Variants in MGAM2 observed in about 807,000 individuals in gnomAD.
MGAM2 encodes probable maltase-glucoamylase 2.
MGAM2 carries 98 observed loss-of-function variants against 96.1 expected under a neutral mutation model. The observed-to-expected ratio is 1.02, with a 90% CI of 0.87 to 1.21. The LOEUF (loss-of-function observed/expected upper bound fraction) is 1.21, where lower values mean the gene tolerates loss of function less well. Ranked by LOEUF, MGAM2 falls within the 50% of genes most tolerant of loss-of-function variation. The pLI is 0.00. For synonymous variants in MGAM2, 749 were observed against 414.8 expected, an observed-to-expected ratio of 1.81 and a Z score of -9.79; for missense variants, 2,055 against 1,182.4, an observed-to-expected ratio of 1.74 and a Z score of -10.82.
chr7:142,198,273 G>A, intron 43 of MGAM2, 78 bp downstream of exon 43: 1 of 660,658 alleles, frequency 1.5e-6, no homozygotes, highest in Non-Finnish European at 2.7e-6. Flanking sequence ...CTATTTCCAA[G>A]CACATATTTC....
chr7:142,199,159 G>A lies in MGAM2; in HGVS notation c.5048+420G>A, dbSNP rs76542817. ...GCTTTGGTCAATCAAGGAAAGATAT[G>A]CTTGTGTGTTGTGTGTGTGTACATA... On this transcript the variant is annotated intron_variant, in intron 44 of 47. Transcript: ENST00000477922. Among the ~76,000 whole-genome samples the A allele has an allele frequency of 6.0e-3, 918 of 152,282 alleles. 21 individuals are homozygous for A. The highest frequency in any genetic ancestry group is 0.045 in the Admixed American group (688 of 15,288).
intron 46 of MGAM2, among the ~76,000 whole-genome samples, chr7:142,209,557 C>T (rs1001141557): frequency 3.3e-5 from 5 of 152,346 alleles, no homozygotes; most frequent in Admixed American, 2.0e-4. Flanking sequence ...TACCTAGTCA[C>T]TTTAACCAAG....
intron 37 of MGAM2, among the ~76,000 whole-genome samples, chr7:142,194,457 T>C (rs183306704): frequency 6.6e-6 from 1 of 152,342 alleles, no homozygotes; most frequent in African/African-American, 2.4e-5. Context: ...CTACTCTATC[T>C]TCCTGCCTTA....
intron 2 of MGAM2, 62 bp downstream of exon 2, chr7:142,117,041 A>G: frequency 2.9e-6 from 2 of 700,686 alleles, no homozygotes; most frequent in Non-Finnish European, 5.2e-6. Context: ...AACGCCAAAG[A>G]GATTATTTTA....
intron 7 of MGAM2, among the ~76,000 whole-genome samples, chr7:142,135,748 A>ACG (rs1175983334): frequency 6.6e-6 from 1 of 151,856 alleles, no homozygotes; most frequent in African/African-American, 2.4e-5. Flanking sequence ...ACACACACAC[A>ACG]CACACATTAT....
chr7:142,204,680 A>G (rs1797342784), intron 45 of MGAM2, among the ~76,000 whole-genome samples: 1 of 152,116 alleles, frequency 6.6e-6, no homozygotes, highest in Non-Finnish European at 1.5e-5. Context: ...TCTGAACAAA[A>G]TGTGTTATTA....
chr7:142,128,830 C>A (rs757429270), intron 3 of MGAM2, among the ~76,000 whole-genome samples: 10 of 152,326 alleles, frequency 6.6e-5, no homozygotes, highest in Admixed American at 2.0e-4. Flanking sequence ...TCTGCTAGGG[C>A]AGTGCGGAAG....
intron 4 of MGAM2, 107 bp downstream of exon 4, chr7:142,131,178 G>A (rs1379094612): frequency 1.4e-5 from 9 of 640,428 alleles, no homozygotes; most frequent in African/African-American, 5.4e-5. Context: ...GGTGGCTCAC[G>A]TCTGTAATCC....
intron 36 of MGAM2, among the ~76,000 whole-genome samples, chr7:142,188,875 T>A (rs1796783097): frequency 6.6e-6 from 1 of 152,236 alleles, no homozygotes; most frequent in Non-Finnish European, 1.5e-5. Context: ...GTCCATTCAA[T>A]GCATTTTCAA....
chr7:142,209,672 G>T (rs1797517481), intron 46 of MGAM2, among the ~76,000 whole-genome samples: 1 of 152,012 alleles, frequency 6.6e-6, no homozygotes, highest in South Asian at 2.1e-4. Flanking sequence ...ACATCACCAG[G>T]CTAACTTCAT....
intron 3 of MGAM2, among the ~76,000 whole-genome samples, chr7:142,125,976 C>G (rs147919334): frequency 6.6e-6 from 1 of 152,098 alleles, no homozygotes; most frequent in South Asian, 2.1e-4. Context: ...AGTGTATATC[C>G]TTCTCTTGAT....
rs1795823628 is a variant in MGAM2 at position 142,159,313 on chromosome 7, A to G, written c.2190A>G (p.Ile730Met). 4 of 702,550 alleles carry G rather than the reference A, an allele frequency of 5.7e-6. No individual in the cohort carries two copies. In the East Asian group the frequency reaches 1.1e-4, roughly 19 times the overall value. The allele number at this position is 702,550 out of a possible 1,614,324, so 43.5% of individuals were successfully genotyped here. Residue 730 changes from isoleucine to methionine, a missense_variant, in exon 20 of 48, where the codon ATA (isoleucine) becomes ATG (methionine). By Grantham distance (10) the Ile-to-Met change is conservative. Transcript: ENST00000477922. ...GTGTGGACGAAGTGAAAGCATACAT[A>G]CCTGATGCCACCTGGTATGACTATG... ...YEGVDEVKAY[I>M]PDATWYDYET...
intron 46 of MGAM2, among the ~76,000 whole-genome samples, chr7:142,211,260 T>C (rs1797575036): frequency 6.6e-6 from 1 of 151,956 alleles, no homozygotes; most frequent in Non-Finnish European, 1.5e-5. Context: ...GCCTAAAGAT[T>C]CCAAAAACCA....
chr7:142,166,665 C>G (rs1796036221), intron 25 of MGAM2, among the ~76,000 whole-genome samples: 1 of 152,158 alleles, frequency 6.6e-6, no homozygotes, highest in Non-Finnish European at 1.5e-5. Context: ...AATAAGAACA[C>G]TGGGAGTAGA....
In MGAM2 at chr7:142,208,341, C is replaced by G. The variant is rs539779361; in HGVS notation, c.5138-232C>G. ...CCTTTGTTCAACCCAGATTCTCTTG[C>G]ATTTGTAACCTTCTGACCTCCCCGG... On this transcript the variant is annotated intron_variant, in intron 45 of 47. Transcript: ENST00000477922. 1.1e-4 allele frequency: 71 copies of G among 635,266 alleles called. 1 individual carries two copies. Among genetic ancestry groups the G allele is most frequent in the South Asian group, 1.1e-3 (71 of 65,860 alleles). The allele number at this position is 635,266 out of a possible 1,614,324, so 39.4% of individuals were successfully genotyped here.
intron 32 of MGAM2, among the ~76,000 whole-genome samples, chr7:142,181,234 T>C (rs1796529833): frequency 6.6e-6 from 1 of 152,218 alleles, no homozygotes; most frequent in South Asian, 2.1e-4. Flanking sequence ...GTCTTTATTT[T>C]CCTTGAGGGT....
rs565511815 is a variant in MGAM2 at position 142,155,096 on chromosome 7, A to G, written c.1923+251A>G. ...AGTGAGAAGATTTGTTAAAGTTTCT[A>G]TGGTGCTGCCATGACTTCTGTTCTA... On this transcript the variant is annotated intron_variant, in intron 17 of 47. Transcript: ENST00000477922. Among the ~76,000 whole-genome samples, 51 of 152,338 alleles carry G rather than the reference A, an allele frequency of 3.3e-4. 2 individuals carry two copies. The South Asian group carries it at 8.7e-3, about 26-fold the overall frequency.
chr7:142,205,981 G>A (rs2129103406), intron 45 of MGAM2, among the ~76,000 whole-genome samples: 1 of 151,986 alleles, frequency 6.6e-6, no homozygotes, highest in East Asian at 1.9e-4. Flanking sequence ...GTGAGGCAGG[G>A]GTCTAACTTC....
At chr7:142,120,425 T>C (rs926263683) in intron 3 of MGAM2, 44 bp downstream of exon 3, 1 of 698,090 alleles carries the variant, frequency 1.4e-6, no homozygotes, top group Admixed American at 2.0e-5. Context: ...AGGGTGTTAT[T>C]GAAAAGAAAT....
Sources: allele counts gnomAD v4.1 joint callset (sites outside exome capture counted in the v4.1 genomes callset), GRCh38; gene constraint gnomAD v4.1.1; transcripts MANE v1.5; gene names NCBI Gene and HGNC (gene_info 2026-07-23, HGNC 2026-07-21).